The following DCC variants were observed in gnomAD, a reference collection of about 807,000 sequenced individuals.
The protein encoded by DCC is netrin receptor DCC.
DCC carries 58 observed loss-of-function variants against 172.5 expected under a neutral mutation model. That is an observed-to-expected ratio of 0.34 (90% CI 0.27 to 0.42). The LOEUF is 0.42. DCC is among the 10% of genes least tolerant of loss of function. The pLI is 1.00. For synonymous variants in DCC, 709 were observed against 644.5 expected, an observed-to-expected ratio of 1.10 and a Z score of -1.52; for missense variants, 1,740 against 1,791.0, an observed-to-expected ratio of 0.97 and a Z score of 0.51.
At chr18:53,419,170 C>T (rs985315927) in intron 21 of DCC, among the ~76,000 whole-genome samples, 6 of 152,076 alleles carry the variant, frequency 3.9e-5, no homozygotes, top group African/African-American at 7.2e-5. Context: ...TTTGTGTCTA[C>T]ATAGTAGGTG....
intron 2 of DCC, among the ~76,000 whole-genome samples, chr18:52,905,079 G>C (rs148955368): frequency 6.6e-6 from 1 of 152,240 alleles, no homozygotes; most frequent in East Asian, 1.9e-4. Flanking sequence ...CGTCATGGCA[G>C]AGAAGCCTTC....
At chr18:53,255,263 A>AT (rs1369661109) in intron 12 of DCC, among the ~76,000 whole-genome samples, 1 of 151,110 alleles carries the variant, frequency 6.6e-6, no homozygotes, top group African/African-American at 2.4e-5. Flanking sequence ...TGTGCACAAC[A>AT]TGCAGGTTTG....
chr18:53,119,530 A>G lies in DCC; in HGVS notation c.1262-37826A>G, dbSNP rs561345303. Among the ~76,000 whole-genome samples the G allele has an allele frequency of 2.0e-5, 3 of 151,962 alleles. No individual in the cohort carries two copies. The East Asian group carries it at 5.8e-4, about 30-fold the overall frequency. On this transcript the variant is annotated intron_variant, in intron 7 of 28. Coordinates refer to ENST00000442544, the MANE Select transcript of DCC (RefSeq NM_005215.4). ...AAATTAGAAACCTTAGCAAACCACA[A>G]ATGGCACAGATTTTAACTGGCAGAT... is the stretch of plus-strand genomic sequence containing the variant.
intron 5 of DCC, among the ~76,000 whole-genome samples, chr18:53,035,325 G>T (rs2042078524): frequency 6.6e-6 from 1 of 152,022 alleles, no homozygotes; most frequent in African/African-American, 2.4e-5. Flanking sequence ...TGCTCCCTGA[G>T]AATGGGAATT....
intron 13 of DCC, among the ~76,000 whole-genome samples, chr18:53,320,182 C>G (rs921425213): frequency 6.6e-6 from 1 of 150,608 alleles, no homozygotes; most frequent in Non-Finnish European, 1.5e-5. Context: ...ATGCCATTCT[C>G]CTGCCTCAGC....
chr18:52,630,250 G>T (rs2034650389), intron 1 of DCC, among the ~76,000 whole-genome samples: 1 of 152,154 alleles, frequency 6.6e-6, no homozygotes, highest in Non-Finnish European at 1.5e-5. Flanking sequence ...GAGTGTTTGG[G>T]AACTCCAGGG....
intron 5 of DCC, among the ~76,000 whole-genome samples, chr18:52,955,663 C>T (rs1306628335): frequency 6.6e-6 from 1 of 152,030 alleles, no homozygotes; most frequent in Non-Finnish European, 1.5e-5. Flanking sequence ...GCATTCCCAC[C>T]AATAATGAAT....
chr18:52,972,281 T>C (rs2041042078), intron 5 of DCC, among the ~76,000 whole-genome samples: 1 of 152,200 alleles, frequency 6.6e-6, no homozygotes, highest in African/African-American at 2.4e-5. Flanking sequence ...TTTTAAAATA[T>C]GCCTTCCACA....
In DCC at chr18:53,428,682, T is replaced by C. The variant is rs1175780321; in HGVS notation, c.3164-6462T>C. Among the ~76,000 whole-genome samples the C allele has an allele frequency of 2.7e-4, 8 of 29,516 alleles. 2 individuals carry two copies. In the East Asian group the frequency reaches 3.7e-3, roughly 14 times the overall value. The allele number at this position is 29,516 out of a possible 152,430, so 19.4% of individuals were successfully genotyped here. A position where few individuals can be genotyped will look rare whatever the true frequency, so the allele number is the denominator to read the frequency against. On this transcript the variant is annotated intron_variant, in intron 21 of 28. Transcript: ENST00000442544. ...AATGTATATTTTATATAATATATAT[T>C]TTTATATATAATGTATATTTTATAT...
chr18:52,741,061 A>T (rs1405591018), intron 1 of DCC, among the ~76,000 whole-genome samples: 1 of 151,994 alleles, frequency 6.6e-6, no homozygotes, highest in African/African-American at 2.4e-5. Context: ...AGGTCTCCTG[A>T]CCCTTGTGCT....
chr18:52,679,480 A>G (rs766741334), intron 1 of DCC, among the ~76,000 whole-genome samples: 4 of 152,268 alleles, frequency 2.6e-5, no homozygotes, highest in Non-Finnish European at 5.9e-5. Context: ...GTGTATATTC[A>G]TATAGCCCCC....
At chr18:52,688,045 A>G (rs1335607054) in intron 1 of DCC, among the ~76,000 whole-genome samples, 3 of 151,516 alleles carry the variant, frequency 2.0e-5, no homozygotes, top group Admixed American at 6.6e-5. Context: ...ATTGCCCACT[A>G]TTTCCTTTAG....
At chr18:52,672,663 C>T (rs1326348202) in intron 1 of DCC, among the ~76,000 whole-genome samples, 1 of 148,402 alleles carries the variant, frequency 6.7e-6, no homozygotes, top group Non-Finnish European at 1.5e-5. Flanking sequence ...TCCCCCTTGC[C>T]CCCTTCCCCC....
intron 9 of DCC, among the ~76,000 whole-genome samples, chr18:53,190,815 G>A (rs2055355649): frequency 6.6e-6 from 1 of 152,042 alleles, no homozygotes; most frequent in South Asian, 2.1e-4. Context: ...GCATGGTGGC[G>A]GGCGCCTGTA....
intron 1 of DCC, among the ~76,000 whole-genome samples, chr18:52,393,398 G>A (rs1408935294): frequency 6.6e-6 from 1 of 152,028 alleles, no homozygotes; most frequent in Non-Finnish European, 1.5e-5. Context: ...GGGACCAATG[G>A]GAGCTTGTAA....
At chr18:53,452,141 T>A (rs540475961) in intron 23 of DCC, among the ~76,000 whole-genome samples, 22 of 152,186 alleles carry the variant, frequency 1.4e-4, no homozygotes, top group Non-Finnish European at 2.9e-4. Context: ...GAGTAAGGCA[T>A]TGAACAATCT....
At chr18:52,790,041 A>G (rs1245829803) in intron 2 of DCC, among the ~76,000 whole-genome samples, 1 of 152,140 alleles carries the variant, frequency 6.6e-6, no homozygotes, top group African/African-American at 2.4e-5. Context: ...AGCTGGTACC[A>G]CCTAGATCAA....
At chr18:52,782,955 G>T (rs1325328779) in intron 2 of DCC, among the ~76,000 whole-genome samples, 1 of 152,158 alleles carries the variant, frequency 6.6e-6, no homozygotes, top group South Asian at 2.1e-4. Flanking sequence ...CATGTATACT[G>T]TTGAAAGGCC....
At chr18:52,821,484 A>G (rs2038406078) in intron 2 of DCC, among the ~76,000 whole-genome samples, 1 of 152,188 alleles carries the variant, frequency 6.6e-6, no homozygotes, top group Non-Finnish European at 1.5e-5. Context: ...CTTTTTTGAA[A>G]GAGTGTTTTA....
Sources: allele counts gnomAD v4.1 joint callset (sites outside exome capture counted in the v4.1 genomes callset), GRCh38; gene constraint gnomAD v4.1.1; transcripts MANE v1.5; gene names NCBI Gene and HGNC (gene_info 2026-07-23, HGNC 2026-07-21).